THSD7B: variants seen among roughly 807,000 people sequenced by gnomAD.
THSD7B encodes the protein thrombospondin type 1 domain containing 7B, also known as thrombospondin type-1 domain-containing protein 7B.
A neutral mutation model predicts 213.6 loss-of-function variants in THSD7B; 138 were observed. That is an observed-to-expected ratio of 0.65 (90% CI 0.56 to 0.74). The LOEUF is 0.74. Among genes scored for constraint, THSD7B ranks in the 30% least tolerant of loss-of-function variants. THSD7B has a pLI of 0.00. For missense variants in THSD7B, 1,931 were observed against 1,991.5 expected (o/e 0.97, Z 0.58); for synonymous variants, 742 against 687.0 (o/e 1.08, Z -1.25).
intron 12 of THSD7B, among the ~76,000 whole-genome samples, chr2:137,357,384 AAAT>A (rs1685156918): frequency 6.6e-6 from 1 of 152,068 alleles, no homozygotes; most frequent in African/African-American, 2.4e-5. Flanking sequence ...ATTTGGGGAA[AAAT>A]AATATGTTTT....
chr2:137,314,491 CCTT>C (rs1283906035), intron 12 of THSD7B, among the ~76,000 whole-genome samples: 1 of 152,168 alleles, frequency 6.6e-6, no homozygotes, highest in Admixed American at 6.5e-5. Context: ...TTGTCTGAAG[CCTT>C]CTTCTCTCAC....
chr2:136,913,941 A>G (rs1475725001), intron 2 of THSD7B, among the ~76,000 whole-genome samples: 1 of 152,156 alleles, frequency 6.6e-6, no homozygotes, highest in East Asian at 1.9e-4. Context: ...GAGGGCCACC[A>G]TCCTCCAGAC....
intron 12 of THSD7B, among the ~76,000 whole-genome samples, chr2:137,360,442 G>A (rs1685227072): frequency 6.6e-6 from 1 of 152,120 alleles, no homozygotes; most frequent in Non-Finnish European, 1.5e-5. Context: ...GAGGGGTTGG[G>A]GGATTTCCCT....
intron 2 of THSD7B, among the ~76,000 whole-genome samples, chr2:136,941,580 T>A (rs1461105149): frequency 6.6e-6 from 1 of 152,218 alleles, no homozygotes; most frequent in Admixed American, 6.5e-5. Context: ...TCACTGTGGT[T>A]TTGATTTGCA....
chr2:136,981,835 C>T (rs1685582196), intron 2 of THSD7B, among the ~76,000 whole-genome samples: 2 of 152,154 alleles, frequency 1.3e-5, no homozygotes, highest in Non-Finnish European at 2.9e-5. Flanking sequence ...GGCTCACCCA[C>T]CCCTCTTTCT....
At chr2:137,554,357 A>T (rs1037023385) in intron 15 of THSD7B, among the ~76,000 whole-genome samples, 2 of 152,190 alleles carry the variant, frequency 1.3e-5, no homozygotes, top group African/African-American at 4.8e-5. Context: ...CAGAAGACAC[A>T]AATTTTTTCC....
At chr2:137,073,463 A>G (rs1475755735) in intron 3 of THSD7B, among the ~76,000 whole-genome samples, 1 of 151,606 alleles carries the variant, frequency 6.6e-6, no homozygotes, top group Non-Finnish European at 1.5e-5. Context: ...CATTGCATCT[A>G]TTTGATTCTT....
chr2:136,983,109 A>AT (rs776897632), intron 2 of THSD7B, among the ~76,000 whole-genome samples: 95 of 151,998 alleles, frequency 6.3e-4, no homozygotes, highest in Non-Finnish European at 1.3e-3. Context: ...TGTAAAAAGT[A>AT]TCTCTCATAC....
chr2:137,544,278 A>G (rs1680659257), intron 15 of THSD7B, among the ~76,000 whole-genome samples: 1 of 151,772 alleles, frequency 6.6e-6, no homozygotes, highest in Admixed American at 6.6e-5. Flanking sequence ...GCTACAAAAA[A>G]TAATGAAATA....
intron 5 of THSD7B, among the ~76,000 whole-genome samples, chr2:137,118,408 G>A (rs903870008): frequency 5.3e-5 from 8 of 152,078 alleles, no homozygotes; most frequent in Non-Finnish European, 1.2e-4. Context: ...CTAGAGATTA[G>A]GATATCAACA....
chr2:137,615,520 G>T (rs1682367541), intron 17 of THSD7B, among the ~76,000 whole-genome samples: 1 of 152,152 alleles, frequency 6.6e-6, no homozygotes, highest in South Asian at 2.1e-4. Context: ...AGGAACTGAG[G>T]CTACAGGAGG....
chr2:136,912,067 C>A (rs1287987710), intron 2 of THSD7B, among the ~76,000 whole-genome samples: 1 of 152,020 alleles, frequency 6.6e-6, no homozygotes, highest in Non-Finnish European at 1.5e-5. Context: ...AATCCCAGCA[C>A]TTTGGGAGGC....
intron 8 of THSD7B, 43 bp downstream of exon 8, chr2:137,231,278 A>G (rs771453074): frequency 1.2e-5 from 18 of 1,528,908 alleles, no homozygotes; most frequent in Middle Eastern, 1.7e-4. Flanking sequence ...CATTAGCCCA[A>G]TTATTATCAT....
chr2:137,153,825 T>C (rs1679860407), intron 5 of THSD7B, among the ~76,000 whole-genome samples: 1 of 152,160 alleles, frequency 6.6e-6, no homozygotes, highest in African/African-American at 2.4e-5. Context: ...CAATATTGTT[T>C]CTCAAAAATC....
chr2:137,554,879 A>T (rs1680923585), intron 15 of THSD7B, among the ~76,000 whole-genome samples: 1 of 152,220 alleles, frequency 6.6e-6, no homozygotes, highest in Non-Finnish European at 1.5e-5. Flanking sequence ...TGGTCTTAGT[A>T]AACAGCACAC....
chr2:137,033,535 C>T (rs1406781229), intron 2 of THSD7B, among the ~76,000 whole-genome samples: 1 of 152,162 alleles, frequency 6.6e-6, no homozygotes, highest in Non-Finnish European at 1.5e-5. Context: ...GTTGTAAAGT[C>T]ATATTGCAAA....
At chr2:137,295,694 T>A (rs1409369858) in intron 12 of THSD7B, among the ~76,000 whole-genome samples, 1 of 152,102 alleles carries the variant, frequency 6.6e-6, no homozygotes. Context: ...CAAGATGGTC[T>A]TGATCTCCTG....
intron 15 of THSD7B, among the ~76,000 whole-genome samples, chr2:137,462,699 A>G (rs1290757933): frequency 2.6e-5 from 4 of 151,896 alleles, no homozygotes; most frequent in African/African-American, 9.7e-5. Context: ...ATTTAGCCTC[A>G]GCTTCTTCCT....
intron 14 of THSD7B, among the ~76,000 whole-genome samples, chr2:137,424,202 A>C (rs1686989109): frequency 6.6e-6 from 1 of 152,270 alleles, no homozygotes; most frequent in South Asian, 2.1e-4. Context: ...AAAATTATAA[A>C]AAAATTATAA....
Sources: gnomAD v4.1 joint callset for allele counts (sites outside exome capture counted in the v4.1 genomes callset) on GRCh38, gnomAD v4.1.1 for gene constraint, MANE v1.5 for transcripts, NCBI Gene and HGNC (gene_info 2026-07-23, HGNC 2026-07-21) for gene names.